THSD7A: variants seen among roughly 807,000 people sequenced by gnomAD.
The protein encoded by THSD7A is thrombospondin type 1 domain containing 7A.
THSD7A carries 96 observed loss-of-function variants against 231.3 expected under a neutral mutation model. The observed-to-expected ratio is 0.41, with a 90% confidence interval of 0.35 to 0.49. The LOEUF is 0.49. Among genes scored for constraint, THSD7A ranks in the 20% least tolerant of loss-of-function variants. THSD7A has a pLI of 0.05. For missense variants in THSD7A, 2,290 were observed against 2,070.2 expected (o/e 1.11, Z -2.06); for synonymous variants, 940 against 743.3 (o/e 1.26, Z -4.30).
chr7:11,377,280 C>G lies in THSD7A; in HGVS notation c.4802-623G>C, dbSNP rs1161348441. On this transcript the variant is annotated intron_variant, in intron 26 of 27. Transcript: ENST00000423059. The surrounding 1 kb of genome is among the most constrained non-coding windows in gnomAD (Gnocchi z 4.5). Reference sequence around the variant, plus strand: ...ATAAATAATTTTTTTTCTACCTTTTCTATTATATGGAATCAGACATAACAG... The same window carrying G: ...ATAAATAATTTTTTTTCTACCTTTTGTATTATATGGAATCAGACATAACAG... 6.6e-6 allele frequency among the ~76,000 whole-genome samples: 1 copy of G among 151,732 alleles called. No homozygotes were observed. Among genetic ancestry groups the G allele is most frequent in the African/African-American group, 2.4e-5 (1 of 41,324 alleles).
intron 1 of THSD7A, among the ~76,000 whole-genome samples, chr7:11,811,636 C>T (rs895168401): frequency 6.6e-6 from 1 of 152,140 alleles, no homozygotes; most frequent in African/African-American, 2.4e-5. Flanking sequence ...AGCCTATTTA[C>T]TGTAATGCTT....
At chr7:11,592,211 A>G (rs1441879507) in intron 3 of THSD7A, among the ~76,000 whole-genome samples, 1 of 152,188 alleles carries the variant, frequency 6.6e-6, no homozygotes, top group Non-Finnish European at 1.5e-5. Context: ...TTAGAACACA[A>G]TGGATGAGTC....
At chr7:11,656,821 G>C (rs568758475) in intron 1 of THSD7A, among the ~76,000 whole-genome samples, 174 of 151,934 alleles carry the variant, frequency 1.1e-3, no homozygotes, top group African/African-American at 4.0e-3. Context: ...GGTTTGTAGA[G>C]GAATTTTCTT....
chr7:11,490,158 T>C (rs1344433982), intron 6 of THSD7A, among the ~76,000 whole-genome samples: 2 of 152,092 alleles, frequency 1.3e-5, no homozygotes, highest in African/African-American at 4.8e-5. Flanking sequence ...TTCCTTCTTC[T>C]GATAGCACCC....
chr7:11,523,604 A>C (rs1038166022), intron 6 of THSD7A, among the ~76,000 whole-genome samples: 7 of 152,138 alleles, frequency 4.6e-5, no homozygotes, highest in Non-Finnish European at 8.8e-5. Flanking sequence ...TTGAAAGTTA[A>C]TAATAGAGAA....
chr7:11,516,125 T>C (rs1249274035), intron 6 of THSD7A, among the ~76,000 whole-genome samples: 1 of 152,226 alleles, frequency 6.6e-6, no homozygotes, highest in East Asian at 1.9e-4. Context: ...TTTTAAGTTG[T>C]ATTCTGGCTG....
chr7:11,719,373 T>A (rs555161467), intron 1 of THSD7A, among the ~76,000 whole-genome samples: 1 of 151,764 alleles, frequency 6.6e-6, no homozygotes, highest in Non-Finnish European at 1.5e-5. Flanking sequence ...TTTTCTATAT[T>A]GTCTGTAGGT....
At chr7:11,622,566 G>C (rs1323089887) in intron 2 of THSD7A, among the ~76,000 whole-genome samples, 1 of 152,058 alleles carries the variant, frequency 6.6e-6, no homozygotes, top group Non-Finnish European at 1.5e-5. Flanking sequence ...TGTCATATCA[G>C]TTGTGTAAAA....
At chr7:11,692,513 GC>G (rs1780263818) in intron 1 of THSD7A, among the ~76,000 whole-genome samples, 1 of 151,432 alleles carries the variant, frequency 6.6e-6, no homozygotes, top group African/African-American at 2.4e-5. Context: ...AAAATATGAG[GC>G]AGATGCGTAA....
intron 6 of THSD7A, among the ~76,000 whole-genome samples, chr7:11,534,684 C>G (rs995713737): frequency 6.6e-6 from 1 of 152,044 alleles, no homozygotes; most frequent in Non-Finnish European, 1.5e-5. Flanking sequence ...ATAGGGAATA[C>G]AGAATCAATG....
At chr7:11,419,150 A>G (rs1436259622) in intron 16 of THSD7A, among the ~76,000 whole-genome samples, 1 of 152,186 alleles carries the variant, frequency 6.6e-6, no homozygotes, top group Non-Finnish European at 1.5e-5. Flanking sequence ...AAGAACAGAT[A>G]TCCAACACTC....
At chr7:11,496,122 A>C (rs1787088502) in intron 6 of THSD7A, among the ~76,000 whole-genome samples, 1 of 152,178 alleles carries the variant, frequency 6.6e-6, no homozygotes, top group African/African-American at 2.4e-5. Flanking sequence ...TATAACATGG[A>C]ACTAATAATT....
chr7:11,793,282 A>G (rs1784015997), intron 1 of THSD7A, among the ~76,000 whole-genome samples: 1 of 151,986 alleles, frequency 6.6e-6, no homozygotes, highest in Admixed American at 6.6e-5. Flanking sequence ...CAATGGCCGA[A>G]TCTTCAGCCA....
intron 23 of THSD7A, among the ~76,000 whole-genome samples, chr7:11,388,359 C>T (rs1319780047): frequency 6.6e-6 from 1 of 151,998 alleles, no homozygotes; most frequent in Non-Finnish European, 1.5e-5. Flanking sequence ...TTAATTAGTG[C>T]CTCAATTTTA....
intron 6 of THSD7A, among the ~76,000 whole-genome samples, chr7:11,539,151 G>A (rs1384594605): frequency 1.3e-5 from 2 of 152,092 alleles, no homozygotes; most frequent in Non-Finnish European, 2.9e-5. Context: ...ACAACATTTG[G>A]TGCAGCTGCT....
At chr7:11,673,926 A>C (rs952826919) in intron 1 of THSD7A, among the ~76,000 whole-genome samples, 18 of 152,076 alleles carry the variant, frequency 1.2e-4, no homozygotes, top group Non-Finnish European at 2.1e-4. Flanking sequence ...TGAAAAGCCC[A>C]GGCTGGAGAA....
At chr7:11,663,540 G>C (rs141597777) in intron 1 of THSD7A, among the ~76,000 whole-genome samples, 213 of 151,692 alleles carry the variant, frequency 1.4e-3, no homozygotes, top group Non-Finnish European at 2.5e-3. Context: ...ATGAGCTTAT[G>C]TTGTAGAGTC....
intron 1 of THSD7A, among the ~76,000 whole-genome samples, chr7:11,744,468 T>G (rs1044032347): frequency 1.3e-5 from 2 of 151,906 alleles, no homozygotes; most frequent in Non-Finnish European, 2.9e-5. Flanking sequence ...ATACGTTAAG[T>G]TTTAGGGTAC....
chr7:11,821,784 G>A (rs1784883352), intron 1 of THSD7A, among the ~76,000 whole-genome samples: 1 of 152,058 alleles, frequency 6.6e-6, no homozygotes, highest in South Asian at 2.1e-4. Flanking sequence ...ACACATTTGT[G>A]CTTTTTCTCC....
Sources: gnomAD v4.1 joint callset for allele counts (sites outside exome capture counted in the v4.1 genomes callset) on GRCh38, gnomAD v4.1.1 for gene constraint, Gnocchi (gnomAD v3.1) non-coding constraint, MANE v1.5 for transcripts, NCBI Gene and HGNC (gene_info 2026-07-23, HGNC 2026-07-21) for gene names.